LEPROT: variants seen among roughly 807,000 people sequenced by gnomAD.
LEPROT encodes the protein leptin receptor overlapping transcript.
Under a neutral mutation model 15.4 loss-of-function variants are expected in LEPROT, and 3 were observed. The ratio of observed to expected loss-of-function variants is 0.19; its 90% CI spans 0.09 to 0.50. The LOEUF (loss-of-function observed/expected upper bound fraction) is 0.50. Ranked by LOEUF, LEPROT falls within the 20% of genes least tolerant of loss-of-function variation. The pLI, the probability that LEPROT is intolerant of heterozygous loss-of-function variation, is 0.97. For synonymous variants in LEPROT, 59 were observed against 57.5 expected (o/e 1.03, Z -0.12); for missense variants, 137 against 162.2 (o/e 0.84, Z 0.84).
At chr1:65,423,374 G>GA (rs565824302) in intron 1 of LEPROT, among the ~76,000 whole-genome samples, 1 of 151,526 alleles carries the variant, frequency 6.6e-6, no homozygotes, top group Non-Finnish European at 1.5e-5. Flanking sequence ...GAAAAAAGAG[G>GA]AAAAAAAAGA....
intron 2 of LEPROT, among the ~76,000 whole-genome samples, chr1:65,428,977 C>G (rs888320178): frequency 6.6e-6 from 1 of 152,024 alleles, no homozygotes; most frequent in African/African-American, 2.4e-5. Flanking sequence ...TATTTTCATG[C>G]CTTCCGTACT....
In LEPROT at chr1:65,435,550, A is replaced by G; in HGVS notation, c.*3631A>G. ...GCCTGGCTAATTTTTTTGTATTTTT[A>G]GTAAAGACGGGTTTCATCGTGTTAG... On this transcript the variant is annotated 3_prime_UTR_variant, in exon 4 of 4. Transcript: ENST00000371065. 1 of 450,982 alleles carries G rather than the reference A, an allele frequency of 2.2e-6. No individual in the cohort carries two copies. The highest frequency in any genetic ancestry group is 2.9e-6 in the Non-Finnish European group (1 of 341,440). 27.9% of individuals were successfully genotyped at this position (450,982 alleles called of 1,614,324 possible).
At chr1:65,428,288 T>A (rs1335529414) in intron 2 of LEPROT, among the ~76,000 whole-genome samples, 1 of 152,160 alleles carries the variant, frequency 6.6e-6, no homozygotes, top group Non-Finnish European at 1.5e-5. Context: ...AAACATAGAG[T>A]CAGATTGTTT....
chr1:65,426,487 T>C (rs956799699), intron 2 of LEPROT, among the ~76,000 whole-genome samples: 4 of 151,684 alleles, frequency 2.6e-5, no homozygotes, highest in African/African-American at 4.9e-5. Flanking sequence ...TGAGACTAGA[T>C]AGGAAAGAGC....
chr1:65,433,719 T>C lies in LEPROT; in HGVS notation c.*1800T>C, dbSNP rs1428697866. On this transcript the variant is annotated 3_prime_UTR_variant, in exon 4 of 4. Transcript: ENST00000371065. ...TCCAATATTTATATTAGAAAAATTA[T>C]TTAGATACTTTATAATTTTAACCGG... is the stretch of plus-strand genomic sequence containing the variant. 4.3e-6 allele frequency: 4 copies of C among 923,826 alleles called. No homozygotes were observed. Among genetic ancestry groups the C allele is most frequent in the Non-Finnish European group, 5.2e-6 (4 of 774,196 alleles). 57.2% of individuals were successfully genotyped at this position (923,826 alleles called of 1,614,324 possible). A position where few individuals can be genotyped will look rare whatever the true frequency, so the allele number is the denominator to read the frequency against.
chr1:65,434,137 TA>T lies in LEPROT; in HGVS notation c.*2219del. 2 of 984,096 alleles carry T rather than the reference TA, an allele frequency of 2.0e-6. No homozygotes were observed. The highest frequency in any genetic ancestry group is 2.4e-6 in the Non-Finnish European group (2 of 828,720). 61.0% of individuals were successfully genotyped at this position (984,096 alleles called of 1,614,324 possible). On this transcript the variant is annotated 3_prime_UTR_variant, in exon 4 of 4. Coordinates refer to ENST00000371065, the MANE Select transcript of LEPROT (RefSeq NM_017526.5). ...TAGATTGATATAAAGTACTTGCATA[TA>T]GAGTATTTGAAGTGATAGATTATTA...
At chr1:65,421,372 A>G (rs1339533213) in intron 1 of LEPROT, 20 of 1,535,800 alleles carry the variant, frequency 1.3e-5, no homozygotes, top group Non-Finnish European at 1.7e-5. Flanking sequence ...TGCATGGGGC[A>G]GTTGGTAAAA....
At chr1:65,421,784 G>C (rs1646256673) in intron 1 of LEPROT, among the ~76,000 whole-genome samples, 1 of 152,156 alleles carries the variant, frequency 6.6e-6, no homozygotes, top group African/African-American at 2.4e-5. Flanking sequence ...GAAAAGTAGT[G>C]TCTCAGTACT....
At position 65,433,637 on chromosome 1, in the gene LEPROT, T is replaced by G. The variant is rs7661; in HGVS notation, c.*1718T>G. 57,413 of 984,856 alleles carry G rather than the reference T, an allele frequency of 0.058. 4,094 individuals are homozygous for G. Among genetic ancestry groups the G allele is most frequent in the African/African-American group, 0.33 (18,810 of 57,206 alleles). The allele number at this position is 984,856 out of a possible 1,614,324, so 61.0% of individuals were successfully genotyped here. On this transcript the variant is annotated 3_prime_UTR_variant, in exon 4 of 4. Coordinates refer to ENST00000371065, the MANE Select transcript of LEPROT (RefSeq NM_017526.5). ...GTGCAACGTTATTTTTTGGCCTTGTTCATGATTTTATGTTTTCAGTGTCCT... is the reference window on the plus strand; with the variant it reads ...GTGCAACGTTATTTTTTGGCCTTGTGCATGATTTTATGTTTTCAGTGTCCT...
intron 2 of LEPROT, among the ~76,000 whole-genome samples, chr1:65,429,011 C>T (rs1646432878): frequency 6.6e-6 from 1 of 151,962 alleles, no homozygotes. Flanking sequence ...TTATTTTATT[C>T]ATTTAACAAG....
intron 3 of LEPROT, among the ~76,000 whole-genome samples, chr1:65,430,549 A>G (rs1646466313): frequency 1.3e-5 from 2 of 152,352 alleles, no homozygotes. Flanking sequence ...TCTTCAGAGT[A>G]CACATTGTAG....
rs1270770531 is a variant in LEPROT, at chr1:65,432,273, A to G, written c.*354A>G. The G allele has an allele frequency of 2.0e-6, 2 of 998,842 alleles. No individual in the cohort carries two copies. Among genetic ancestry groups the G allele is most frequent in the Non-Finnish European group, 2.4e-6 (2 of 838,676 alleles). 61.9% of individuals were successfully genotyped at this position (998,842 alleles called of 1,614,324 possible). Reference sequence around the variant, plus strand: ...TTGGAGAGGCAGATAACGCTGAAGCAGGCCTCTCATGACCCAGGAAGGCCG... The same window carrying G: ...TTGGAGAGGCAGATAACGCTGAAGCGGGCCTCTCATGACCCAGGAAGGCCG... On this transcript the variant is annotated 3_prime_UTR_variant, in exon 4 of 4. Transcript: ENST00000371065.
At chr1:65,421,230 A>G (rs1045854296) in intron 1 of LEPROT, 10 of 1,318,130 alleles carry the variant, frequency 7.6e-6, no homozygotes, top group Non-Finnish European at 9.0e-6. Flanking sequence ...GTGTCAATGG[A>G]AAGCACCCAG....
At chr1:65,426,942 G>A (rs1471767949) in intron 2 of LEPROT, among the ~76,000 whole-genome samples, 1 of 151,872 alleles carries the variant, frequency 6.6e-6, no homozygotes, top group Non-Finnish European at 1.5e-5. Context: ...AGGTTGTAGT[G>A]AGCCAAGATC....
intron 1 of LEPROT, among the ~76,000 whole-genome samples, chr1:65,422,425 T>G (rs1044495013): frequency 6.6e-6 from 1 of 152,244 alleles, no homozygotes; most frequent in Non-Finnish European, 1.5e-5. Context: ...GTGGCGCTGC[T>G]GACACCTTGA....
At chr1:65,420,849 C>G (rs1646232237) in intron 1 of LEPROT, 109 bp downstream of exon 1, 2 of 1,322,160 alleles carry the variant, frequency 1.5e-6, no homozygotes, top group East Asian at 2.7e-5. Flanking sequence ...GCCTCACCAC[C>G]CTTCCCGCCT....
chr1:65,426,787 A>G (rs1391849335), intron 2 of LEPROT, among the ~76,000 whole-genome samples: 1 of 152,036 alleles, frequency 6.6e-6, no homozygotes, highest in African/African-American at 2.4e-5. Context: ...TCACGAGGTC[A>G]AGAGATCGAG....
rs114505530 is a variant in LEPROT, at chr1:65,425,236, C to T, written c.17-67C>T. 2.6e-3 allele frequency: 3,744 copies of T among 1,414,424 alleles called. 83 individuals are homozygous for T. In the African/African-American group the frequency reaches 0.047, roughly 18 times the overall value. 87.6% of individuals were successfully genotyped at this position (1,414,424 alleles called of 1,614,324 possible). A position where few individuals can be genotyped will look rare whatever the true frequency, so the allele number is the denominator to read the frequency against. On this transcript the variant is annotated intron_variant, in intron 1 of 3. Coordinates refer to ENST00000371065, the MANE Select transcript of LEPROT (RefSeq NM_017526.5). ...CCTATTAGAAGTCACTCCCCATTTC[C>T]CCAAACCCTCTAGTGCCTGACAACC...
chr1:65,431,127 A>G (rs549818788), intron 3 of LEPROT, among the ~76,000 whole-genome samples: 14 of 152,328 alleles, frequency 9.2e-5, no homozygotes, highest in African/African-American at 3.1e-4. Flanking sequence ...AGGTTTTTGA[A>G]TACAACAAGA....
Sources: gnomAD v4.1 joint callset for allele counts (sites outside exome capture counted in the v4.1 genomes callset) on GRCh38, gnomAD v4.1.1 for gene constraint, MANE v1.5 for transcripts, NCBI Gene and HGNC (gene_info 2026-07-23, HGNC 2026-07-21) for gene names.